The following FBXL7 variants were observed in gnomAD, a reference collection of about 807,000 sequenced individuals.
The protein encoded by FBXL7 is F-box and leucine rich repeat protein 7.
FBXL7 carries 12 observed loss-of-function variants against 38.3 expected under a neutral mutation model. That is an observed-to-expected ratio of 0.31 (90% CI 0.20 to 0.51). The LOEUF (loss-of-function observed/expected upper bound fraction) is 0.51, where lower values mean the gene tolerates loss of function less well. Among genes scored for constraint, FBXL7 ranks in the 20% least tolerant of loss-of-function variants. The pLI, the probability that FBXL7 is intolerant of heterozygous loss-of-function variation, is 0.98. For synonymous variants in FBXL7, 297 were observed against 300.9 expected, an observed-to-expected ratio of 0.99 and a Z score of 0.13; for missense variants, 567 against 676.4, an observed-to-expected ratio of 0.84 and a Z score of 1.79.
chr5:15,654,431 AAG>A (rs1408451335), intron 2 of FBXL7, among the ~76,000 whole-genome samples: 42 of 150,150 alleles, frequency 2.8e-4, no homozygotes, highest in Middle Eastern at 3.5e-3. Context: ...AAAAAAAAAA[AAG>A]GCAAAACTGT....
chr5:15,889,953 G>C (rs1247655747), intron 2 of FBXL7, among the ~76,000 whole-genome samples: 1 of 152,176 alleles, frequency 6.6e-6, no homozygotes, highest in East Asian at 1.9e-4. Flanking sequence ...TGAGATGGGA[G>C]GAGGTGGACC....
At chr5:15,801,770 A>G (rs1737575820) in intron 2 of FBXL7, among the ~76,000 whole-genome samples, 1 of 150,278 alleles carries the variant, frequency 6.7e-6, no homozygotes, top group Admixed American at 6.7e-5. Flanking sequence ...CATTGTTTCT[A>G]CTTAACACTG....
chr5:15,607,562 C>T (rs984528116), intron 1 of FBXL7, among the ~76,000 whole-genome samples: 9 of 152,076 alleles, frequency 5.9e-5, no homozygotes, highest in Non-Finnish European at 8.8e-5. Flanking sequence ...TTAAAAGAAA[C>T]GTAAAGTCCC....
intron 1 of FBXL7, among the ~76,000 whole-genome samples, chr5:15,524,696 C>T (rs1030707892): frequency 6.6e-6 from 1 of 152,136 alleles, no homozygotes; most frequent in African/African-American, 2.4e-5. Flanking sequence ...TTGTTACTGA[C>T]ACATTGAATT....
intron 2 of FBXL7, among the ~76,000 whole-genome samples, chr5:15,843,487 T>C (rs939058057): frequency 1.3e-5 from 2 of 152,180 alleles, no homozygotes; most frequent in African/African-American, 4.8e-5. Flanking sequence ...TCTTTCCTTC[T>C]GTTTGGTTGA....
chr5:15,690,306 T>C (rs2126621065), intron 2 of FBXL7, among the ~76,000 whole-genome samples: 1 of 152,358 alleles, frequency 6.6e-6, no homozygotes, highest in Middle Eastern at 3.4e-3. Context: ...GTCCCTTTGG[T>C]CAATGATTAG....
At chr5:15,543,788 A>G (rs1402299416) in intron 1 of FBXL7, among the ~76,000 whole-genome samples, 2 of 152,204 alleles carry the variant, frequency 1.3e-5, no homozygotes, top group Admixed American at 6.5e-5. Flanking sequence ...TAGATGTTAT[A>G]TGCATTTCTT....
At chr5:15,893,389 G>T (rs1186009127) in intron 2 of FBXL7, among the ~76,000 whole-genome samples, 16 of 152,164 alleles carry the variant, frequency 1.1e-4, no homozygotes, top group Admixed American at 1.0e-3. Flanking sequence ...TTAATAATCA[G>T]ATATAAGCAT....
intron 2 of FBXL7, among the ~76,000 whole-genome samples, chr5:15,792,007 C>T (rs1043681401): frequency 6.6e-6 from 1 of 152,258 alleles, no homozygotes; most frequent in Admixed American, 6.5e-5. Flanking sequence ...GCAAGCACAA[C>T]AAGTATTTTT....
chr5:15,881,185 C>T (rs1740438013), intron 2 of FBXL7, among the ~76,000 whole-genome samples: 1 of 152,110 alleles, frequency 6.6e-6, no homozygotes, highest in African/African-American at 2.4e-5. Flanking sequence ...CACCCCCTAC[C>T]TTTCCCTCAA....
intron 2 of FBXL7, among the ~76,000 whole-genome samples, chr5:15,913,637 T>C (rs529719318): frequency 6.6e-6 from 1 of 152,238 alleles, no homozygotes; most frequent in African/African-American, 2.4e-5. Context: ...TGGAATTTTG[T>C]AACTATTCAT....
chr5:15,661,032 C>G (rs936315501), intron 2 of FBXL7, among the ~76,000 whole-genome samples: 6 of 152,256 alleles, frequency 3.9e-5, no homozygotes, highest in Admixed American at 2.6e-4. Context: ...AGGAATTCAC[C>G]ATTCCAAGGT....
intron 1 of FBXL7, among the ~76,000 whole-genome samples, chr5:15,613,108 A>T (rs1350581663): frequency 6.6e-6 from 1 of 152,212 alleles, no homozygotes; most frequent in Non-Finnish European, 1.5e-5. Context: ...AAGTCTACAT[A>T]TTGGTGTTGC....
In FBXL7 at chr5:15,610,667, T is replaced by C. The variant is rs148628252; in HGVS notation, c.38-5316T>C. ...AGAAGCAGGGCAGAAGAGCATATCA[T>C]GGTATCCAACATAGGAACCTCATTC... On this transcript the variant is annotated intron_variant, in intron 1 of 3. Coordinates refer to ENST00000504595, the MANE Select transcript of FBXL7 (RefSeq NM_012304.5). 4.7e-3 allele frequency among the ~76,000 whole-genome samples: 714 copies of C among 152,298 alleles called. 5 individuals are homozygous for C. The highest frequency in any genetic ancestry group is 0.017 in the African/African-American group (694 of 41,562).
At position 15,917,774 on chromosome 5, in the gene FBXL7, C is replaced by CT. The variant is rs11366996; in HGVS notation, c.128-10101dup. On this transcript the variant is annotated intron_variant, in intron 2 of 3. Coordinates refer to ENST00000504595, the MANE Select transcript of FBXL7 (RefSeq NM_012304.5). ...AAGACTTTAAATCAGAGGCTTATGC[C>CT]TTTTTTTTTTTTTTTCATTAAAAAG... Among the ~76,000 whole-genome samples the CT allele has an allele frequency of 9.8e-3, 1,356 of 138,140 alleles. 10 individuals are homozygous for CT. The highest frequency in any genetic ancestry group is 0.019 in the Middle Eastern group (5 of 258). The allele number at this position is 138,140 out of a possible 152,430, so 90.6% of individuals were successfully genotyped here.
chr5:15,748,471 T>C lies in FBXL7; in HGVS notation c.127+132399T>C, dbSNP rs149713941. 4.4e-4 allele frequency among the ~76,000 whole-genome samples: 67 copies of C among 152,334 alleles called. 1 individual carries two copies. Among genetic ancestry groups the C allele is most frequent in the African/African-American group, 1.6e-3 (66 of 41,574 alleles). ...TTCCCCCATACTGTTCTCCTGGTAG[T>C]GAATAAGTCTTACAAGATCTGATGG... On this transcript the variant is annotated intron_variant, in intron 2 of 3. Transcript: ENST00000504595.
At chr5:15,649,795 CCTCA>C (rs1421132831) in intron 2 of FBXL7, among the ~76,000 whole-genome samples, 1 of 151,908 alleles carries the variant, frequency 6.6e-6, no homozygotes, top group South Asian at 2.1e-4. Context: ...GTCTCTGTCC[CCTCA>C]CTCACTTCTG....
chr5:15,936,358 T>G lies in FBXL7; in HGVS notation c.740-92T>G. The G allele has an allele frequency of 6.8e-7, 1 of 1,473,234 alleles. No homozygotes were observed. Among genetic ancestry groups the G allele is most frequent in the Non-Finnish European group, 9.1e-7 (1 of 1,101,728 alleles). 91.3% of individuals were successfully genotyped at this position (1,473,234 alleles called of 1,614,324 possible). On this transcript the variant is annotated intron_variant, in intron 3 of 3. Coordinates refer to ENST00000504595, the MANE Select transcript of FBXL7 (RefSeq NM_012304.5). This position sits in a 1 kb window ranked among gnomAD's most constrained non-coding sequence, Gnocchi z 6.0. ...GTAACATCAGCCTCGGACCCAGACT[T>G]GGGCGAGGGTCAGGAATGCCCCAGG... is the stretch of plus-strand genomic sequence containing the variant.
At chr5:15,922,501 A>C (rs1579604149) in intron 2 of FBXL7, among the ~76,000 whole-genome samples, 1 of 152,300 alleles carries the variant, frequency 6.6e-6, no homozygotes, top group Non-Finnish European at 1.5e-5. Flanking sequence ...GCAGGGAAGG[A>C]AGGCGTTTAG....
Sources: gnomAD v4.1 joint callset for allele counts (sites outside exome capture counted in the v4.1 genomes callset) on GRCh38, gnomAD v4.1.1 for gene constraint, Gnocchi (gnomAD v3.1) non-coding constraint, MANE v1.5 for transcripts, NCBI Gene and HGNC (gene_info 2026-07-23, HGNC 2026-07-21) for gene names.